MACROD2: variants seen among roughly 807,000 people sequenced by gnomAD.
MACROD2 encodes mono-ADP ribosylhydrolase 2.
A neutral mutation model predicts 70.4 loss-of-function variants in MACROD2; 36 were observed. The observed-to-expected ratio is 0.51, with a 90% CI of 0.39 to 0.68. The LOEUF (loss-of-function observed/expected upper bound fraction) is 0.68, where lower values mean the gene tolerates loss of function less well. MACROD2 is among the 30% of genes least tolerant of loss of function. MACROD2 has a pLI of 0.00. For missense variants in MACROD2, 496 were observed against 538.4 expected, an observed-to-expected ratio of 0.92 and a Z score of 0.78; for synonymous variants, 172 against 178.8, an observed-to-expected ratio of 0.96 and a Z score of 0.30.
In MACROD2 at chr20:14,889,217, A is replaced by G. The variant is rs1273874092; in HGVS notation, c.418+204258A>G. On this transcript the variant is annotated intron_variant, in intron 5 of 17. Transcript: ENST00000684519. ...TTGTTTATGTAATAAACATTTATTC[A>G]GTGTATACTACTGGCCAAAGGTTGT... Among the ~76,000 whole-genome samples the G allele has an allele frequency of 6.6e-5, 10 of 152,166 alleles. 1 individual carries two copies. Among genetic ancestry groups the G allele is most frequent in the African/African-American group, 2.4e-5 (1 of 41,436 alleles).
intron 5 of MACROD2, among the ~76,000 whole-genome samples, chr20:14,994,192 CTTAG>C (rs1021357499): frequency 1.7e-4 from 26 of 151,908 alleles, no homozygotes; most frequent in Non-Finnish European, 4.4e-5. Context: ...TTTCTTAGCA[CTTAG>C]TTATATAGCA....
rs187745203 is a variant in MACROD2 at position 15,019,154 on chromosome 20, C to A, written c.419-210786C>A. 3.3e-3 allele frequency among the ~76,000 whole-genome samples: 498 copies of A among 152,000 alleles called. 7 individuals are homozygous for A. The highest frequency in any genetic ancestry group is 0.011 in the African/African-American group (475 of 41,424). ...TCCAGTTTTCCCTTCTTCCTCTGAA[C>A]ACACACACACGCGCGCGCGCGCGCG... On this transcript the variant is annotated intron_variant, in intron 5 of 17. Coordinates refer to ENST00000684519, the MANE Select transcript of MACROD2 (RefSeq NM_001351661.2).
chr20:15,866,349 T>C lies in MACROD2; in HGVS notation c.727+3523T>C, dbSNP rs567909811. Among the ~76,000 whole-genome samples, 5 of 152,054 alleles carry C rather than the reference T, an allele frequency of 3.3e-5. No homozygotes were observed. In the East Asian group the frequency reaches 5.8e-4, roughly 18 times the overall value. On this transcript the variant is annotated intron_variant, in intron 9 of 17. Coordinates refer to ENST00000684519, the MANE Select transcript of MACROD2 (RefSeq NM_001351661.2). ...GATTTGAGGCTGCAGTTGGCTATGA[T>C]TGCACCACTGAACTCCAGCCTGGGT...
intron 3 of MACROD2, among the ~76,000 whole-genome samples, chr20:14,242,696 A>T (rs968586760): frequency 6.6e-6 from 1 of 152,192 alleles, no homozygotes; most frequent in Admixed American, 6.5e-5. Flanking sequence ...GTTTATTCTC[A>T]TGTACTGCTA....
intron 4 of MACROD2, among the ~76,000 whole-genome samples, chr20:14,567,312 AT>A (rs1054339000): frequency 1.3e-5 from 2 of 152,062 alleles, no homozygotes; most frequent in African/African-American, 4.8e-5. Context: ...TTTTGATAGT[AT>A]TAAAAAGAAT....
intron 2 of MACROD2, among the ~76,000 whole-genome samples, chr20:14,023,755 C>G (rs750582677): frequency 2.6e-5 from 4 of 152,122 alleles, no homozygotes; most frequent in Non-Finnish European, 5.9e-5. Flanking sequence ...TATTATTGGT[C>G]TATATATCTG....
intron 8 of MACROD2, among the ~76,000 whole-genome samples, chr20:15,723,729 A>G (rs1225525106): frequency 1.3e-5 from 2 of 152,182 alleles, no homozygotes; most frequent in African/African-American, 4.8e-5. Flanking sequence ...TTTGGCAGTT[A>G]TGAATAAAAC....
intron 6 of MACROD2, among the ~76,000 whole-genome samples, chr20:15,317,842 A>G (rs1368035945): frequency 6.6e-6 from 1 of 152,188 alleles, no homozygotes; most frequent in East Asian, 1.9e-4. Flanking sequence ...GACAGTCTGC[A>G]TTACTCAGTC....
intron 3 of MACROD2, among the ~76,000 whole-genome samples, chr20:14,189,179 G>A (rs2081366335): frequency 6.6e-6 from 1 of 151,774 alleles, no homozygotes; most frequent in African/African-American, 2.4e-5. Flanking sequence ...ATTGCTTATG[G>A]TTATTTCATG....
chr20:14,971,452 G>A (rs530124248), intron 5 of MACROD2, among the ~76,000 whole-genome samples: 3 of 151,740 alleles, frequency 2.0e-5, no homozygotes, highest in Admixed American at 1.3e-4. Context: ...GTAAAGGGAG[G>A]GGGGGGACTC....
intron 5 of MACROD2, among the ~76,000 whole-genome samples, chr20:15,098,587 C>T (rs563157603): frequency 2.6e-5 from 4 of 152,278 alleles, no homozygotes; most frequent in East Asian, 3.9e-4. Flanking sequence ...TAACACTATG[C>T]GAGGCATCAT....
In MACROD2 at chr20:14,668,312, G is replaced by A. The variant is rs143655990; in HGVS notation, c.302-16531G>A. Among the ~76,000 whole-genome samples the A allele has an allele frequency of 2.3e-4, 35 of 152,240 alleles. 1 individual carries two copies. Among genetic ancestry groups the A allele is most frequent in the African/African-American group, 7.7e-4 (32 of 41,532 alleles). On this transcript the variant is annotated intron_variant, in intron 4 of 17. Coordinates refer to ENST00000684519, the MANE Select transcript of MACROD2 (RefSeq NM_001351661.2). ...GGGAGATTAGCAGAAGCCATAAAAT[G>A]CATACTTTGGACCCAATGACTGGGC...
intron 9 of MACROD2, among the ~76,000 whole-genome samples, chr20:15,883,134 A>G (rs1221173269): frequency 6.6e-6 from 1 of 152,088 alleles, no homozygotes; most frequent in Non-Finnish European, 1.5e-5. Flanking sequence ...CAATAGGCTA[A>G]CCAATGAGTG....
chr20:14,657,973 TAAAAAA>T (rs71753036), intron 4 of MACROD2, among the ~76,000 whole-genome samples: 1 of 134,906 alleles, frequency 7.4e-6, no homozygotes, highest in African/African-American at 2.6e-5. Flanking sequence ...TGGACATAGT[TAAAAAA>T]AAAAAAAAAA....
At chr20:14,519,836 C>T (rs1371140332) in intron 4 of MACROD2, among the ~76,000 whole-genome samples, 1 of 152,108 alleles carries the variant, frequency 6.6e-6, no homozygotes, top group African/African-American at 2.4e-5. Context: ...TAATGATAGA[C>T]TGGATAAAGA....
intron 17 of MACROD2, among the ~76,000 whole-genome samples, chr20:16,046,136 G>T (rs574570611): frequency 4.6e-5 from 7 of 152,072 alleles, no homozygotes; most frequent in African/African-American, 1.7e-4. Context: ...TTCCTAAGAG[G>T]CTTGGCTTTA....
intron 3 of MACROD2, among the ~76,000 whole-genome samples, chr20:14,403,847 G>A (rs1470841771): frequency 1.3e-5 from 2 of 151,978 alleles, no homozygotes; most frequent in African/African-American, 4.8e-5. Flanking sequence ...GCAAATATGA[G>A]CTTACAATCA....
chr20:14,428,827 T>A (rs1217133366), intron 3 of MACROD2, among the ~76,000 whole-genome samples: 1 of 152,154 alleles, frequency 6.6e-6, no homozygotes, highest in African/African-American at 2.4e-5. Flanking sequence ...GAACTTTCAT[T>A]GAGTGATTTT....
At chr20:14,899,581 G>A (rs2073871937) in intron 5 of MACROD2, among the ~76,000 whole-genome samples, 1 of 152,042 alleles carries the variant, frequency 6.6e-6, no homozygotes, top group Non-Finnish European at 1.5e-5. Context: ...TTTTAGAATG[G>A]CATCAGTCAT....
Sources: allele counts gnomAD v4.1 joint callset (sites outside exome capture counted in the v4.1 genomes callset), GRCh38; gene constraint gnomAD v4.1.1; transcripts MANE v1.5; gene names NCBI Gene and HGNC (gene_info 2026-07-23, HGNC 2026-07-21).